Variants in KLHL7 observed in about 807,000 individuals in gnomAD.
KLHL7 encodes the protein kelch like family member 7, also known as kelch-like protein 7.
Under a neutral mutation model 67.4 loss-of-function variants are expected in KLHL7, and 44 were observed. The ratio of observed to expected loss-of-function variants is 0.65; its 90% CI spans 0.51 to 0.84. The LOEUF is 0.84. KLHL7 is among the 40% of genes least tolerant of loss of function. The pLI, the probability that KLHL7 is intolerant of heterozygous loss-of-function variation, is 0.00. For missense variants in KLHL7, 362 were observed against 718.1 expected, an observed-to-expected ratio of 0.50 and a Z score of 5.67; for synonymous variants, 252 against 243.3, an observed-to-expected ratio of 1.04 and a Z score of -0.33.
chr7:23,130,731 T>G (rs1783768238), intron 4 of KLHL7, among the ~76,000 whole-genome samples: 1 of 152,192 alleles, frequency 6.6e-6, no homozygotes, highest in Non-Finnish European at 1.5e-5. Flanking sequence ...CCAGTTTCTC[T>G]TTTTGATCCA....
intron 7 of KLHL7, among the ~76,000 whole-genome samples, chr7:23,157,743 G>T (rs531716520): frequency 6.6e-6 from 1 of 152,236 alleles, no homozygotes; most frequent in South Asian, 2.1e-4. Flanking sequence ...GTTTCTCTTT[G>T]TGTTATGTCA....
chr7:23,157,327 G>T (rs2128468034), intron 7 of KLHL7, among the ~76,000 whole-genome samples: 2 of 152,312 alleles, frequency 1.3e-5, no homozygotes, highest in South Asian at 4.1e-4. Flanking sequence ...TCCCAGATGA[G>T]GTGGACCTCT....
chr7:23,152,335 ATATGT>A (rs1784562869), intron 7 of KLHL7, 126 bp downstream of exon 7: 2 of 853,630 alleles, frequency 2.3e-6, no homozygotes. Flanking sequence ...GTTCTTTCAC[ATATGT>A]TATGAGATAC....
Position 23,123,878 on chromosome 7 carries a change from A to C in KLHL7, c.222A>C (p.Thr74=), listed in dbSNP as rs757788667. Reference sequence around the variant, plus strand: ...GTCATTTTTTTAACTTAATGTTCACAAGTAAGTATCTTAAGGTAAAACATG... The same window carrying C: ...GTCATTTTTTTAACTTAATGTTCACCAGTAAGTATCTTAAGGTAAAACATG... The part of the protein sequence containing the change: ...AASHFFNLMF[T]TNMLESKSFE... Residue 74 remains threonine, a splice_region_variant and synonymous_variant, in exon 2 of 11, where the codon ACA becomes ACC. Coordinates refer to ENST00000339077, the MANE Select transcript of KLHL7 (RefSeq NM_001031710.3). 6.3e-7 allele frequency: 1 copy of C among 1,586,726 alleles called. No homozygotes were observed. The highest frequency in any genetic ancestry group is 8.7e-7 in the Non-Finnish European group (1 of 1,156,058).
rs150258741 is a variant in KLHL7 at position 23,175,667 on chromosome 7, G to T, written c.*1369G>T. On this transcript the variant is annotated 3_prime_UTR_variant, in exon 11 of 11. Transcript: ENST00000339077. ...CATACCATACAATTCACCATTTAAA[G>T]TATACTATTCAGGCCAGGCACAGTG... The T allele has an allele frequency of 9.2e-5, 24 of 261,552 alleles. No individual in the cohort carries two copies. The highest frequency in any genetic ancestry group is 9.1e-4 in the South Asian group (22 of 24,088). The allele number at this position is 261,552 out of a possible 1,614,324, so 16.2% of individuals were successfully genotyped here. A position where few individuals can be genotyped will look rare whatever the true frequency, so the allele number is the denominator to read the frequency against.
intron 1 of KLHL7, among the ~76,000 whole-genome samples, chr7:23,120,785 T>G (rs1177285361): frequency 6.6e-6 from 1 of 152,112 alleles, no homozygotes; most frequent in Non-Finnish European, 1.5e-5. Flanking sequence ...AGGCTGGCCG[T>G]GAACTCCTGG....
Position 23,152,203 on chromosome 7 carries a change from C to T in KLHL7, c.930C>T (p.Asn310=). 4 of 1,613,774 alleles carry T rather than the reference C, an allele frequency of 2.5e-6. No individual in the cohort carries two copies. The highest frequency in any genetic ancestry group is 3.4e-6 in the Non-Finnish European group (4 of 1,179,728). The change falls in exon 7 of 11, where the codon AAC becomes AAT. Residue 310 remains asparagine, a synonymous_variant. Transcript: ENST00000339077. ...GSQPQSCRYF[N]PKDYSWTDIR... The stretch of plus-strand genomic sequence containing the variant: ...AACCACAGTCTTGTAGATATTTTAA[C>T]CCAAAGGTAACTAATTTTTATTCTT...
At chr7:23,129,446 C>T in intron 4 of KLHL7, 3 of 367,774 alleles carry the variant, frequency 8.2e-6, no homozygotes, top group South Asian at 7.7e-5. Context: ...GCTGGTTTTC[C>T]AAGGACACTG....
Position 23,176,471 on chromosome 7 carries a change from GTA to G in KLHL7, c.*2174_*2175del, listed in dbSNP as rs1785296594. On this transcript the variant is annotated 3_prime_UTR_variant, in exon 11 of 11. Transcript: ENST00000339077. ...TTCAACACTTTGGGAGGTGGAGGCA[GTA>G]GGATCACTTGAGGCTAGGAGTTCAA... 2 of 152,380 alleles carry G rather than the reference GTA, an allele frequency of 1.3e-5. No individual in the cohort carries two copies. The highest frequency in any genetic ancestry group is 4.1e-4 in the South Asian group (2 of 4,820). 9.4% of individuals were successfully genotyped at this position (152,380 alleles called of 1,614,324 possible). A position where few individuals can be genotyped will look rare whatever the true frequency, so the allele number is the denominator to read the frequency against.
Position 23,167,886 on chromosome 7 carries a change from T to C in KLHL7, c.1228T>C (p.Trp410Arg). The C allele has an allele frequency of 6.2e-7, 1 of 1,614,230 alleles. No homozygotes were observed. Among genetic ancestry groups the C allele is most frequent in the Non-Finnish European group, 8.5e-7 (1 of 1,180,048 alleles). ...FECYDTRTES[W>R]HTKPSMLTQR... ...GTGCTATGATACGAGAACTGAAAGC[T>C]GGCACACAAAGCCCAGCATGCTGAC... The change falls in exon 9 of 11, where the codon TGG (tryptophan) becomes CGG (arginine). Residue 410 changes from tryptophan (W) to arginine (R), a missense_variant. By Grantham distance (101) the Trp-to-Arg change is moderately radical. This residue lies in a region of KLHL7 where 136 missense variants were observed against 252.7 expected (regional missense o/e 0.54). Transcript: ENST00000339077.
chr7:23,149,059 C>T (rs989955359), intron 6 of KLHL7, among the ~76,000 whole-genome samples: 4 of 152,132 alleles, frequency 2.6e-5, no homozygotes, highest in Non-Finnish European at 4.4e-5. Flanking sequence ...ACAGAAAAGA[C>T]GGTTGAAAAA....
intron 6 of KLHL7, among the ~76,000 whole-genome samples, chr7:23,150,756 C>T (rs889764314): frequency 3.3e-5 from 5 of 152,126 alleles, no homozygotes; most frequent in Non-Finnish European, 5.9e-5. Context: ...CTGCCTCCCC[C>T]GATACAACCA....
At chr7:23,162,464 A>C (rs866911381) in intron 7 of KLHL7, among the ~76,000 whole-genome samples, 1 of 152,224 alleles carries the variant, frequency 6.6e-6, no homozygotes, top group Non-Finnish European at 1.5e-5. Context: ...ATTGGATGCT[A>C]GGACTGAAAG....
At chr7:23,165,467 C>T (rs925497095) in intron 7 of KLHL7, among the ~76,000 whole-genome samples, 1 of 152,076 alleles carries the variant, frequency 6.6e-6, no homozygotes, top group African/African-American at 2.4e-5. Flanking sequence ...ATTTTAGAGC[C>T]AGAAAGGACC....
rs60821313 is a variant in KLHL7, at chr7:23,139,088, T to TA, written c.443-1665dup. On this transcript the variant is annotated intron_variant, in intron 4 of 10. Coordinates refer to ENST00000339077, the MANE Select transcript of KLHL7 (RefSeq NM_001031710.3). ...TTCATTGAAAAAGATTTATTAATGC[T>TA]AAAAAAAAAAAAAAAACAAGAATAC... Among the ~76,000 whole-genome samples, 1,240 of 129,792 alleles carry TA rather than the reference T, an allele frequency of 9.6e-3. 11 individuals are homozygous for TA. Among genetic ancestry groups the TA allele is most frequent in the African/African-American group, 0.019 (702 of 36,120 alleles). 85.1% of individuals were successfully genotyped at this position (129,792 alleles called of 152,430 possible). A position where few individuals can be genotyped will look rare whatever the true frequency, so the allele number is the denominator to read the frequency against.
At chr7:23,107,296 C>G (rs1782683734) in intron 1 of KLHL7, among the ~76,000 whole-genome samples, 1 of 152,166 alleles carries the variant, frequency 6.6e-6, no homozygotes, top group Non-Finnish European at 1.5e-5. Context: ...TATCTATTTT[C>G]AAATTCATGT....
chr7:23,110,315 A>T (rs1583631414), intron 1 of KLHL7, among the ~76,000 whole-genome samples: 1 of 152,128 alleles, frequency 6.6e-6, no homozygotes, highest in Non-Finnish European at 1.5e-5. Context: ...ATCCTGCTAC[A>T]ATGGAGATGC....
At chr7:23,137,826 T>C (rs1177775041) in intron 4 of KLHL7, among the ~76,000 whole-genome samples, 1 of 141,616 alleles carries the variant, frequency 7.1e-6, no homozygotes, top group African/African-American at 2.6e-5. Flanking sequence ...CGGTGACTCC[T>C]AAAATGCTGG....
intron 1 of KLHL7, among the ~76,000 whole-genome samples, chr7:23,107,930 C>A (rs1423838389): frequency 6.6e-6 from 1 of 152,164 alleles, no homozygotes; most frequent in Non-Finnish European, 1.5e-5. Flanking sequence ...TGTTTAACAT[C>A]ATAACACAGG....
Sources: gnomAD v4.1 joint callset for allele counts (sites outside exome capture counted in the v4.1 genomes callset) on GRCh38, gnomAD v4.1.1 for gene constraint, gnomAD v4.1.1 regional missense constraint, MANE v1.5 for transcripts, NCBI Gene and HGNC (gene_info 2026-07-23, HGNC 2026-07-21) for gene names.